The following CTNNA2 variants were observed in gnomAD, a reference collection of about 807,000 sequenced individuals.
CTNNA2 encodes the protein catenin alpha 2.
CTNNA2 carries 42 observed loss-of-function variants against 101.0 expected under a neutral mutation model. The ratio of observed to expected loss-of-function variants is 0.42; its 90% CI spans 0.32 to 0.54. The LOEUF is 0.54. Ranked by LOEUF, CTNNA2 falls within the 20% of genes least tolerant of loss-of-function variation. The pLI is 0.14. For synonymous variants in CTNNA2, 450 were observed against 456.4 expected (o/e 0.99, Z 0.18); for missense variants, 871 against 1,223.1 (o/e 0.71, Z 4.29).
chr2:80,036,041 T>C (rs1695627179), intron 7 of CTNNA2, among the ~76,000 whole-genome samples: 1 of 152,230 alleles, frequency 6.6e-6, no homozygotes, highest in Non-Finnish European at 1.5e-5. Context: ...CAGGGCTTTC[T>C]GAGGATTGGG....
At chr2:80,041,000 T>TAATTCCATTC (rs1696015747) in intron 7 of CTNNA2, among the ~76,000 whole-genome samples, 3 of 151,718 alleles carry the variant, frequency 2.0e-5, no homozygotes, top group Non-Finnish European at 4.4e-5. Context: ...GAATATGGTA[T>TAATTCCATTC]AATTCTTTGA....
At chr2:79,709,706 T>A (rs1685621841) in intron 2 of CTNNA2, among the ~76,000 whole-genome samples, 1 of 152,038 alleles carries the variant, frequency 6.6e-6, no homozygotes. Flanking sequence ...GCAGAAACAA[T>A]TTAGAAGACA....
At chr2:80,627,778 T>G (rs111758755) in intron 18 of CTNNA2, among the ~76,000 whole-genome samples, 1,673 of 152,310 alleles carry the variant, frequency 0.011, 32 homozygotes, top group African/African-American at 0.036. Context: ...ATAAAGTCTT[T>G]GTCCATGCCT....
chr2:79,517,228 C>T (rs960653686), intron 1 of CTNNA2, among the ~76,000 whole-genome samples: 1 of 152,134 alleles, frequency 6.6e-6, no homozygotes, highest in Non-Finnish European at 1.5e-5. Flanking sequence ...CTTTATCCAA[C>T]AGCATAAGTG....
intron 4 of CTNNA2, among the ~76,000 whole-genome samples, chr2:79,485,617 G>A (rs147575102): frequency 1.2e-3 from 181 of 152,304 alleles, no homozygotes; most frequent in Non-Finnish European, 2.0e-3. Context: ...GGCACTGAGA[G>A]CAGCAGAGCC....
chr2:79,359,544 T>A (rs1021155465), intron 3 of CTNNA2, among the ~76,000 whole-genome samples: 2 of 152,180 alleles, frequency 1.3e-5, no homozygotes, highest in African/African-American at 4.8e-5. Flanking sequence ...TCAACCGGGT[T>A]AATAGCAAGA....
rs190308503 is a variant in CTNNA2 at position 80,434,185 on chromosome 2, G to A, written c.1290+14584G>A. ...TTAGCCTATCTTGGAGAACTTTAGC[G>A]TGAAATGACAATTTCCATGACAAGT... On this transcript the variant is annotated intron_variant, in intron 9 of 18. Transcript: ENST00000402739. 1.3e-4 allele frequency among the ~76,000 whole-genome samples: 20 copies of A among 152,272 alleles called. No individual in the cohort carries two copies. The East Asian group carries it at 2.3e-3, about 18-fold the overall frequency.
intron 5 of CTNNA2, among the ~76,000 whole-genome samples, chr2:79,507,011 T>C (rs572316998): frequency 1.3e-5 from 2 of 152,184 alleles, no homozygotes; most frequent in African/African-American, 4.8e-5. Context: ...AAAGGGAATC[T>C]TGTATAAACA....
intron 2 of CTNNA2, among the ~76,000 whole-genome samples, chr2:79,681,211 T>G: frequency 6.6e-6 from 1 of 152,242 alleles, no homozygotes; most frequent in East Asian, 1.9e-4. Flanking sequence ...CTTTAACACT[T>G]TTCTACTAAT....
intron 6 of CTNNA2, among the ~76,000 whole-genome samples, chr2:79,901,344 T>G (rs940547911): frequency 7.2e-5 from 11 of 152,024 alleles, no homozygotes; most frequent in African/African-American, 2.4e-4. Flanking sequence ...GCCTGGTGTT[T>G]ATGAGGCAGA....
intron 4 of CTNNA2, among the ~76,000 whole-genome samples, chr2:79,414,583 C>T (rs1244866684): frequency 1.3e-5 from 2 of 151,964 alleles, no homozygotes; most frequent in South Asian, 4.2e-4. Flanking sequence ...ACAGATGCTC[C>T]CGTTGAGTAG....
At chr2:79,227,465 C>T (rs1183708467) in intron 2 of CTNNA2, among the ~76,000 whole-genome samples, 2 of 152,008 alleles carry the variant, frequency 1.3e-5, no homozygotes. Context: ...AGATAATATG[C>T]GTGAAAGCCC....
At chr2:79,828,450 G>A (rs1678613457) in intron 3 of CTNNA2, among the ~76,000 whole-genome samples, 1 of 152,154 alleles carries the variant, frequency 6.6e-6, no homozygotes, top group Non-Finnish European at 1.5e-5. Context: ...TACCTTCACT[G>A]TAAAATGAAT....
intron 1 of CTNNA2, among the ~76,000 whole-genome samples, chr2:79,533,717 G>T (rs1672886018): frequency 6.6e-6 from 1 of 152,084 alleles, no homozygotes; most frequent in South Asian, 2.1e-4. Flanking sequence ...TATCGATCAG[G>T]TTCTGTTTAT....
intron 3 of CTNNA2, among the ~76,000 whole-genome samples, chr2:79,794,495 A>G (rs1675540716): frequency 6.6e-6 from 1 of 152,192 alleles, no homozygotes; most frequent in Non-Finnish European, 1.5e-5. Flanking sequence ...AACTATTACC[A>G]CCATGAAGGC....
intron 8 of CTNNA2, among the ~76,000 whole-genome samples, chr2:80,404,518 G>T (rs1419408702): frequency 2.0e-5 from 3 of 152,150 alleles, no homozygotes; most frequent in African/African-American, 7.2e-5. Flanking sequence ...TAAGTATGTG[G>T]TTACATGTGT....
chr2:80,446,718 G>C lies in CTNNA2; in HGVS notation c.1290+27117G>C, dbSNP rs570364958. ...ACAGGACGTTTCAACAAGTTGGGTT[G>C]TGAACTTGAGAAAATTAATTTTTGG... On this transcript the variant is annotated intron_variant, in intron 9 of 18. Coordinates refer to ENST00000402739, the MANE Select transcript of CTNNA2 (RefSeq NM_001282597.3). Among the ~76,000 whole-genome samples, 20 of 152,270 alleles carry C rather than the reference G, an allele frequency of 1.3e-4. No individual in the cohort carries two copies. The South Asian group carries it at 4.1e-3, about 32-fold the overall frequency.
At chr2:80,187,965 C>T (rs1213389810) in intron 7 of CTNNA2, among the ~76,000 whole-genome samples, 1 of 152,066 alleles carries the variant, frequency 6.6e-6, no homozygotes, top group Non-Finnish European at 1.5e-5. Flanking sequence ...CCCAAGACAT[C>T]AGAACAAAGT....
At chr2:79,865,013 T>G (rs1158270170) in intron 4 of CTNNA2, among the ~76,000 whole-genome samples, 1 of 152,224 alleles carries the variant, frequency 6.6e-6, no homozygotes, top group Admixed American at 6.5e-5. Context: ...GTGTCATTTT[T>G]TTTTGTACAA....
Sources: gnomAD v4.1 joint callset for allele counts (sites outside exome capture counted in the v4.1 genomes callset) on GRCh38, gnomAD v4.1.1 for gene constraint, MANE v1.5 for transcripts, NCBI Gene and HGNC (gene_info 2026-07-23, HGNC 2026-07-21) for gene names.